GP2: variants seen among roughly 807,000 people sequenced by gnomAD.
GP2 encodes pancreatic secretory granule membrane major glycoprotein GP2.
In GP2, 58 loss-of-function variants were observed where a neutral mutation model predicts 60.8. That is an observed-to-expected ratio of 0.95 (90% confidence interval 0.77 to 1.19). GP2 has a LOEUF of 1.19. Ranked by LOEUF, GP2 falls within the 50% of genes most tolerant of loss-of-function variation. The pLI, the probability that GP2 is intolerant of heterozygous loss-of-function variation, is 0.00. For missense variants in GP2, 647 were observed against 667.4 expected (o/e 0.97, Z 0.34); for synonymous variants, 280 against 253.4 (o/e 1.10, Z -1.00).
At chr16:20,320,615 T>C (rs1387455386) in intron 4 of GP2, 142 bp from the exon 5 acceptor site, 1 of 655,142 alleles carries the variant, frequency 1.5e-6, no homozygotes, top group Non-Finnish European at 2.7e-6. Flanking sequence ...ATGCCTAGGC[T>C]GGCAGTAGGT....
At position 20,327,467 on chromosome 16, in the gene GP2, C is replaced by T. The variant is rs1393400455; in HGVS notation, c.-37G>A. The stretch of plus-strand genomic sequence containing the variant: ...TCCTGGGGCTTAAAGCAGGACTTAC[C>T]TCCGATGAGAACACAAAGCGTTCCT... On this transcript the variant is annotated splice_region_variant and 5_prime_UTR_variant, in exon 1 of 11. Coordinates refer to ENST00000302555, the MANE Select transcript of GP2 (RefSeq NM_001502.4). 7.8e-7 allele frequency: 1 copy of T among 1,287,994 alleles called. No individual in the cohort carries two copies. Among genetic ancestry groups the T allele is most frequent in the Non-Finnish European group, 1.0e-6 (1 of 987,948 alleles). The allele number at this position is 1,287,994 out of a possible 1,614,324, so 79.8% of individuals were successfully genotyped here.
chr16:20,323,243 C>T, intron 3 of GP2: 2 of 658,902 alleles, frequency 3.0e-6, no homozygotes, highest in Non-Finnish European at 2.8e-6. Flanking sequence ...GAAAGGACAG[C>T]ATGGTGGTTA....
At chr16:20,320,540 G>T in intron 4 of GP2, 67 bp from the exon 5 acceptor site, 2 of 1,009,102 alleles carry the variant, frequency 2.0e-6, no homozygotes, top group Non-Finnish European at 3.1e-6. Context: ...CCTACTCTTT[G>T]GTAACATCTC....
chr16:20,323,536 T>G, intron 3 of GP2: 1 of 568,098 alleles, frequency 1.8e-6, no homozygotes. Context: ...GGGAGGCAAA[T>G]TAAACTTCTC....
rs1964242989 is a variant in GP2, at chr16:20,318,165, A to T, written c.1253+20T>A. Reference sequence around the variant, plus strand: ...TAAACGTTAGTAAGGCCAAATGATAATTCCAGAATTGCTCGTTACCTGTTT... The same window carrying T: ...TAAACGTTAGTAAGGCCAAATGATATTTCCAGAATTGCTCGTTACCTGTTT... On this transcript the variant is annotated intron_variant, in intron 7 of 10. Coordinates refer to ENST00000302555, the MANE Select transcript of GP2 (RefSeq NM_001502.4). The T allele has an allele frequency of 6.2e-7, 1 of 1,606,414 alleles. No individual in the cohort carries two copies. Among genetic ancestry groups the T allele is most frequent in the African/African-American group, 1.3e-5 (1 of 74,794 alleles).
At chr16:20,320,931 A>C (rs1480082145) in intron 4 of GP2, among the ~76,000 whole-genome samples, 33 of 152,186 alleles carry the variant, frequency 2.2e-4, no homozygotes, top group Non-Finnish European at 7.4e-5. Flanking sequence ...ACTCTTATAG[A>C]GCTAACAGTT....
Position 20,326,420 on chromosome 16 carries a change from A to C in GP2, c.12T>G (p.Leu4=), listed in dbSNP as rs1294806470. The stretch of plus-strand genomic sequence containing the variant: ...GGCCAGAGCCCACCATCCTTTCCAT[A>C]AGGTGAGGCATGCAGGTCACTTTGC... The part of the protein sequence containing the change: MPH[L]MERMVGSGLL... The change falls in exon 2 of 11, where the codon CTT becomes CTG. Residue 4 remains leucine (L), a synonymous_variant. Transcript: ENST00000302555. 1 of 1,612,674 alleles carries C rather than the reference A, an allele frequency of 6.2e-7. No homozygotes were observed. The highest frequency in any genetic ancestry group is 1.1e-5 in the South Asian group (1 of 91,052).
In GP2 at chr16:20,320,423, C is replaced by G; in HGVS notation, c.697G>C (p.Val233Leu). The G allele has an allele frequency of 6.2e-7, 1 of 1,614,108 alleles. No homozygotes were observed. Among genetic ancestry groups the G allele is most frequent in the Non-Finnish European group, 8.5e-7 (1 of 1,179,960 alleles). ...CCCAGCAAACATTTGTCCACCTTCA[C>G]CTTGATCTCCCTGGGCCCACAGTCT... Reference protein sequence around the residue: ...QLDCGPREIKVKVDKCLLGGL... With the variant: ...QLDCGPREIKLKVDKCLLGGL... The change falls in exon 5 of 11, where the codon GTG becomes CTG. Residue 233 changes from valine (V) to leucine (L), a missense_variant. Val to Leu is a conservative substitution (Grantham distance 32). Coordinates refer to ENST00000302555, the MANE Select transcript of GP2 (RefSeq NM_001502.4).
At chr16:20,319,881 C>G in intron 5 of GP2, 113 bp from the exon 6 acceptor site, 1 of 817,040 alleles carries the variant, frequency 1.2e-6, no homozygotes, top group Non-Finnish European at 2.1e-6. Context: ...AGCCACCCTA[C>G]CTTCTGAGCT....
chr16:20,320,096 T>C (rs557334765), intron 5 of GP2, among the ~76,000 whole-genome samples, 166 bp downstream of exon 5: 83 of 152,288 alleles, frequency 5.5e-4, no homozygotes, highest in African/African-American at 1.9e-3. Context: ...GAAACTCACA[T>C]GTCAGACTTA....
intron 6 of GP2, among the ~76,000 whole-genome samples, chr16:20,319,354 G>A (rs76258062): frequency 1.3e-5 from 2 of 152,154 alleles, no homozygotes; most frequent in African/African-American, 2.4e-5. Flanking sequence ...TTGTTTTCTA[G>A]CACATTTAGT....
chr16:20,323,492 C>CG, intron 3 of GP2: 1 of 617,662 alleles, frequency 1.6e-6, no homozygotes, highest in Non-Finnish European at 3.0e-6. Context: ...TGTACCCCCC[C>CG]CCCCTTTTTT....
intron 10 of GP2, among the ~76,000 whole-genome samples, chr16:20,312,939 C>T (rs544543677): frequency 9.2e-5 from 14 of 152,198 alleles, no homozygotes; most frequent in African/African-American, 3.1e-4. Context: ...CATGAGCCAC[C>T]GCACCTGGCC....
intron 1 of GP2, chr16:20,326,740 G>A: frequency 7.0e-6 from 2 of 284,938 alleles, no homozygotes; most frequent in South Asian, 1.3e-4. Context: ...AGAGAAAAAG[G>A]GATATGGTAC....
In GP2 at chr16:20,324,232, C is replaced by A; in HGVS notation, c.119G>T (p.Ser40Ile). ...QRGYGNPIEA[S>I]SYGLDLDCGA... The stretch of plus-strand genomic sequence containing the variant: ...GCAGTCCAGGTCCAGCCCATACGAA[C>A]TGGCTTCAATGGGGTTTCCATAACC... Residue 40 changes from serine (S) to isoleucine (I), a missense_variant, in exon 3 of 11, where the codon AGT (serine) becomes ATT (isoleucine). Ser to Ile is a moderately radical substitution (Grantham distance 142, BLOSUM62 -2). Coordinates refer to ENST00000302555, the MANE Select transcript of GP2 (RefSeq NM_001502.4). The A allele has an allele frequency of 6.2e-7, 1 of 1,604,816 alleles. No homozygotes were observed. The highest frequency in any genetic ancestry group is 8.5e-7 in the Non-Finnish European group (1 of 1,172,912).
At chr16:20,315,542 A>C (rs138382015) in intron 9 of GP2, among the ~76,000 whole-genome samples, 1 of 152,232 alleles carries the variant, frequency 6.6e-6, no homozygotes, top group African/African-American at 2.4e-5. Context: ...CTCACCCATA[A>C]GGAACTGAAT....
intron 2 of GP2, among the ~76,000 whole-genome samples, chr16:20,325,006 G>A (rs140759597): frequency 1.3e-5 from 2 of 152,320 alleles, no homozygotes; most frequent in African/African-American, 4.8e-5. Context: ...CTTCTTGGGG[G>A]GCATCGCCCC....
chr16:20,319,628 G>A lies in GP2; in HGVS notation c.999C>T (p.Pro333=), dbSNP rs1964286237. Residue 333 remains proline, a synonymous_variant, in exon 6 of 11, where the codon CCC becomes CCT. Coordinates refer to ENST00000302555, the MANE Select transcript of GP2 (RefSeq NM_001502.4). ...AAGGGTCAATGCCATACCTTACAAT[G>A]GGCTGCAAGGCAGCTTGGAGGCTGA... is the stretch of plus-strand genomic sequence containing the variant. The part of the protein sequence containing the change: ...MKVSLQAALQ[P]IVSSLNVSVD... 6.2e-7 allele frequency: 1 copy of A among 1,611,234 alleles called. No individual in the cohort carries two copies. The highest frequency in any genetic ancestry group is 1.7e-5 in the Admixed American group (1 of 60,002).
chr16:20,314,022 A>G (rs1200368693), intron 10 of GP2, among the ~76,000 whole-genome samples: 1 of 152,068 alleles, frequency 6.6e-6, no homozygotes, highest in Non-Finnish European at 1.5e-5. Context: ...TGTCTATACA[A>G]TGAGAACACA....
Sources: allele counts gnomAD v4.1 joint callset (sites outside exome capture counted in the v4.1 genomes callset), GRCh38; gene constraint gnomAD v4.1.1; transcripts MANE v1.5; gene names NCBI Gene and HGNC (gene_info 2026-07-23, HGNC 2026-07-21).